Variants in TYR observed in about 807,000 individuals in gnomAD.
TYR encodes the protein tyrosinase, also known as LB24-AB.
In TYR, 58 loss-of-function variants were observed where a neutral mutation model predicts 51.5. The ratio of observed to expected loss-of-function variants is 1.13; its 90% CI spans 0.91 to 1.40. TYR has a LOEUF of 1.40. Ranked by LOEUF, TYR falls within the 40% of genes most tolerant of loss-of-function variation. The pLI, the probability that TYR is intolerant of heterozygous loss-of-function variation, is 0.00. For missense variants in TYR, 732 were observed against 647.4 expected, an observed-to-expected ratio of 1.13 and a Z score of -1.42; for synonymous variants, 263 against 235.2, an observed-to-expected ratio of 1.12 and a Z score of -1.08.
chr11:89,276,304 C>A (rs948473221), intron 3 of TYR, among the ~76,000 whole-genome samples: 2 of 151,766 alleles, frequency 1.3e-5, no homozygotes, highest in African/African-American at 4.8e-5. Context: ...CTTTCCCACC[C>A]AGTTGACAAA....
chr11:89,261,344 A>T (rs1289890415), intron 3 of TYR, among the ~76,000 whole-genome samples: 1 of 152,114 alleles, frequency 6.6e-6, no homozygotes, highest in South Asian at 2.1e-4. Context: ...CTCACATTAG[A>T]TGCACAGATA....
chr11:89,196,082 A>T (rs565168456), intron 2 of TYR, among the ~76,000 whole-genome samples: 1 of 152,282 alleles, frequency 6.6e-6, no homozygotes, highest in Non-Finnish European at 1.5e-5. Flanking sequence ...AATGTATAAG[A>T]TTCAAAGAAT....
intron 3 of TYR, among the ~76,000 whole-genome samples, chr11:89,265,656 G>A (rs1316858415): frequency 6.6e-6 from 1 of 151,996 alleles, no homozygotes; most frequent in Non-Finnish European, 1.5e-5. Context: ...CTCAGAGGGG[G>A]TTTCACTAGT....
chr11:89,287,233 A>T (rs1320915931), intron 4 of TYR, among the ~76,000 whole-genome samples: 1 of 151,896 alleles, frequency 6.6e-6, no homozygotes, highest in Admixed American at 6.6e-5. Flanking sequence ...TCAATAAATC[A>T]GTTTGAGTAC....
At chr11:89,253,905 T>A (rs999063602) in intron 3 of TYR, among the ~76,000 whole-genome samples, 2 of 151,820 alleles carry the variant, frequency 1.3e-5, no homozygotes, top group African/African-American at 4.8e-5. Context: ...CTTGTTCCAG[T>A]TCTCAGAGGG....
chr11:89,191,120 A>ATT lies in TYR; in HGVS notation c.820-81_820-80dup, dbSNP rs1184055796. The ATT allele has an allele frequency of 8.0e-6, 10 of 1,252,376 alleles. No individual in the cohort carries two copies. The Admixed American group carries it at 1.7e-4, about 21-fold the overall frequency. 77.6% of individuals were successfully genotyped at this position (1,252,376 alleles called of 1,614,324 possible). A position where few individuals can be genotyped will look rare whatever the true frequency, so the allele number is the denominator to read the frequency against. Reference sequence around the variant, plus strand: ...CCTCAGGAGAAGTCTAACAACGATAATTAGGAGTTCCAACATTTCTGCCTT... The same window carrying ATT: ...CCTCAGGAGAAGTCTAACAACGATAATTTTAGGAGTTCCAACATTTCTGCCTT... On this transcript the variant is annotated intron_variant, in intron 1 of 4. Transcript: ENST00000263321.
chr11:89,227,643 A>G (rs927586533), intron 2 of TYR, among the ~76,000 whole-genome samples, 180 bp from the exon 3 acceptor site: 5 of 152,170 alleles, frequency 3.3e-5, no homozygotes, highest in Non-Finnish European at 7.3e-5. Flanking sequence ...TTCCACAAAT[A>G]TTTATTGAAT....
At position 89,272,821 on chromosome 11, in the gene TYR, C is replaced by T. The variant is rs567961450; in HGVS notation, c.1185-11952C>T. Among the ~76,000 whole-genome samples the T allele has an allele frequency of 1.2e-3, 180 of 152,006 alleles. 2 individuals are homozygous for T. The highest frequency in any genetic ancestry group is 3.3e-3 in the South Asian group (16 of 4,826). On this transcript the variant is annotated intron_variant, in intron 3 of 4. Coordinates refer to ENST00000263321, the MANE Select transcript of TYR (RefSeq NM_000372.5). The stretch of plus-strand genomic sequence containing the variant: ...TCAGAACTTATTGCTTCACCTGGCA[C>T]TTTTATTTTATGAAGATGGGCTCTT...
rs1944861921 is a variant in TYR, at chr11:89,292,442, T to C, written c.1367-2701T>C. ...AGGAAATGCTAAGCCAGTAACATAT[T>C]GGATGCTGTCTCTCCTCAGTGCCAT... On this transcript the variant is annotated intron_variant, in intron 4 of 4. Coordinates refer to ENST00000263321, the MANE Select transcript of TYR (RefSeq NM_000372.5). 2.0e-5 allele frequency among the ~76,000 whole-genome samples: 3 copies of C among 152,208 alleles called. No individual in the cohort carries two copies. In the East Asian group the frequency reaches 5.8e-4, roughly 29 times the overall value.
chr11:89,238,336 A>G (rs1944146653), intron 3 of TYR, among the ~76,000 whole-genome samples: 1 of 152,122 alleles, frequency 6.6e-6, no homozygotes, highest in Non-Finnish European at 1.5e-5. Context: ...GTTTTGATCT[A>G]TACATTTTTG....
Position 89,238,877 on chromosome 11 carries a change from A to C in TYR, c.1184+10907A>C, listed in dbSNP as rs548399661. 6.6e-5 allele frequency among the ~76,000 whole-genome samples: 10 copies of C among 152,294 alleles called. No homozygotes were observed. The East Asian group carries it at 1.9e-3, about 29-fold the overall frequency. The stretch of plus-strand genomic sequence containing the variant: ...CATATGATCATGTGATTTTTCACAA[A>C]TATAACTGTGAAATTTGTATATTAA... On this transcript the variant is annotated intron_variant, in intron 3 of 4. Coordinates refer to ENST00000263321, the MANE Select transcript of TYR (RefSeq NM_000372.5).
At chr11:89,185,971 C>A (rs1160871833) in intron 1 of TYR, among the ~76,000 whole-genome samples, 2 of 151,956 alleles carry the variant, frequency 1.3e-5, no homozygotes, top group African/African-American at 2.4e-5. Context: ...CAGAGTCAGC[C>A]CCTTTTGAGT....
At chr11:89,283,287 G>T (rs1263870005) in intron 3 of TYR, among the ~76,000 whole-genome samples, 5 of 151,760 alleles carry the variant, frequency 3.3e-5, no homozygotes, top group African/African-American at 9.7e-5. Context: ...CTAATAAACA[G>T]AATTGTTTTC....
At chr11:89,215,572 A>G (rs1287661172) in intron 2 of TYR, among the ~76,000 whole-genome samples, 3 of 152,160 alleles carry the variant, frequency 2.0e-5, no homozygotes, top group African/African-American at 7.2e-5. Flanking sequence ...ATAAATGGCT[A>G]TATCCCATTG....
chr11:89,236,793 C>G (rs886607319), intron 3 of TYR, among the ~76,000 whole-genome samples: 1 of 152,204 alleles, frequency 6.6e-6, no homozygotes, highest in African/African-American at 2.4e-5. Flanking sequence ...GACCATTCCT[C>G]AAATCTGTAG....
chr11:89,215,904 T>G (rs916801648), intron 2 of TYR, among the ~76,000 whole-genome samples: 1 of 152,220 alleles, frequency 6.6e-6, no homozygotes, highest in African/African-American at 2.4e-5. Context: ...TATCTGTTTA[T>G]GTAATTATCA....
chr11:89,277,194 G>A (rs1244973570), intron 3 of TYR, among the ~76,000 whole-genome samples: 1 of 151,392 alleles, frequency 6.6e-6, no homozygotes, highest in African/African-American at 2.4e-5. Context: ...TTACAAGTTT[G>A]TTTTAACAAG....
At chr11:89,213,016 T>C (rs550336336) in intron 2 of TYR, among the ~76,000 whole-genome samples, 8 of 152,258 alleles carry the variant, frequency 5.3e-5, no homozygotes, top group Non-Finnish European at 8.8e-5. Flanking sequence ...AGCATTCCCT[T>C]TGAAATCCAG....
intron 3 of TYR, among the ~76,000 whole-genome samples, chr11:89,253,377 G>A (rs1157412007): frequency 1.3e-5 from 2 of 151,626 alleles, no homozygotes; most frequent in African/African-American, 4.8e-5. Context: ...ACACAGCCCT[G>A]CCAAGTATTG....
Sources: gnomAD v4.1 joint callset for allele counts (sites outside exome capture counted in the v4.1 genomes callset) on GRCh38, gnomAD v4.1.1 for gene constraint, MANE v1.5 for transcripts, NCBI Gene and HGNC (gene_info 2026-07-23, HGNC 2026-07-21) for gene names.